KIAA1549L: variants seen among roughly 807,000 people sequenced by gnomAD.
KIAA1549L encodes UPF0606 protein KIAA1549L.
In KIAA1549L, 88 loss-of-function variants were observed where a neutral mutation model predicts 160.7. That is an observed-to-expected ratio of 0.55 (90% confidence interval 0.46 to 0.65). KIAA1549L has a LOEUF of 0.65. KIAA1549L is among the 30% of genes least tolerant of loss of function. The pLI, the probability that KIAA1549L is intolerant of heterozygous loss-of-function variation, is 0.00. For synonymous variants in KIAA1549L, 950 were observed against 976.7 expected, an observed-to-expected ratio of 0.97 and a Z score of 0.51; for missense variants, 2,258 against 2,437.5, an observed-to-expected ratio of 0.93 and a Z score of 1.55.
intron 16 of KIAA1549L, 128 bp from the exon 17 acceptor site, chr11:33,645,558 T>G: frequency 1.4e-6 from 1 of 703,244 alleles, no homozygotes; most frequent in Non-Finnish European, 2.4e-6. Context: ...ATAGGGCACG[T>G]AGGATATAAT....
Position 33,459,767 on chromosome 11 carries a change from C to T in KIAA1549L, c.239-82035C>T, listed in dbSNP as rs144547137. ...ACGAGGTCAGGAGATCGAGACCATC[C>T]CGGCTAAAACGGTGAAACCCCGTCT... On this transcript the variant is annotated intron_variant, in intron 1 of 20. Transcript: ENST00000658780. 5.2e-4 allele frequency among the ~76,000 whole-genome samples: 78 copies of T among 151,026 alleles called. 3 individuals are homozygous for T. The East Asian group carries it at 0.015, about 29-fold the overall frequency.
At position 33,559,926 on chromosome 11, in the gene KIAA1549L, G is replaced by T. The variant is rs377212326; in HGVS notation, c.4018+15G>T. The T allele has an allele frequency of 1.2e-6, 2 of 1,609,970 alleles. No individual in the cohort carries two copies. The highest frequency in any genetic ancestry group is 2.2e-5 in the East Asian group (1 of 44,772). ...CATTGCTGAACGTGAGTATGGCCATGCCTATGGGGACCCCAGTGTTTCCCC... is the reference window on the plus strand; with the variant it reads ...CATTGCTGAACGTGAGTATGGCCATTCCTATGGGGACCCCAGTGTTTCCCC... On this transcript the variant is annotated intron_variant, in intron 7 of 20. Coordinates refer to ENST00000658780, the MANE Select transcript of KIAA1549L (RefSeq NM_012194.3).
At chr11:33,619,305 G>A (rs1007856921) in intron 16 of KIAA1549L, among the ~76,000 whole-genome samples, 3 of 152,186 alleles carry the variant, frequency 2.0e-5, no homozygotes, top group African/African-American at 7.2e-5. Flanking sequence ...GAGAGGTACA[G>A]TAATGCCTCA....
rs1854126862 is a variant in KIAA1549L at position 33,543,821 on chromosome 11, C to T, written c.2258C>T (p.Ala753Val). The stretch of plus-strand genomic sequence containing the variant: ...AATGGTTTAACTTCAGCTGCCGATG[C>T]CATAAAATCTCAGGATTTCAAAGAT... ...PPNGLTSAAD[A>V]IKSQDFKDTA... is the part of the protein sequence containing the mutation. The change falls in exon 2 of 21, where the codon GCC becomes GTC. Residue 753 changes from alanine to valine, a missense_variant. Physicochemically the swap from Ala to Val is moderately conservative, Grantham distance 64. Transcript: ENST00000658780. 6.2e-7 allele frequency: 1 copy of T among 1,613,910 alleles called. No homozygotes were observed. Among genetic ancestry groups the T allele is most frequent in the African/African-American group, 1.3e-5 (1 of 74,934 alleles).
At chr11:33,459,716 C>G (rs1851900224) in intron 1 of KIAA1549L, among the ~76,000 whole-genome samples, 1 of 151,822 alleles carries the variant, frequency 6.6e-6, no homozygotes, top group Admixed American at 6.6e-5. Context: ...AATCCCAGCA[C>G]TTTGGGAGGC....
intron 16 of KIAA1549L, among the ~76,000 whole-genome samples, chr11:33,624,468 A>G (rs191889966): frequency 9.1e-4 from 138 of 152,338 alleles, no homozygotes; most frequent in Admixed American, 2.4e-3. Flanking sequence ...GGGAATTGCC[A>G]TTCCTTTTCT....
At chr11:33,617,597 T>G (rs1850846160) in intron 15 of KIAA1549L, among the ~76,000 whole-genome samples, 1 of 152,200 alleles carries the variant, frequency 6.6e-6, no homozygotes, top group Non-Finnish European at 1.5e-5. Flanking sequence ...TTGTCTCCCA[T>G]CCTAGTCCCC....
At chr11:33,460,367 A>G (rs992936251) in intron 1 of KIAA1549L, among the ~76,000 whole-genome samples, 1 of 152,156 alleles carries the variant, frequency 6.6e-6, no homozygotes, top group Non-Finnish European at 1.5e-5. Flanking sequence ...ATCCATCCCT[A>G]TGCAATAGTG....
At chr11:33,470,118 A>G (rs982514095) in intron 1 of KIAA1549L, among the ~76,000 whole-genome samples, 1 of 152,100 alleles carries the variant, frequency 6.6e-6, no homozygotes, top group Non-Finnish European at 1.5e-5. Context: ...ATTTACTCCT[A>G]TGTTTTCTTC....
At chr11:33,565,210 C>T (rs1419119915) in intron 8 of KIAA1549L, among the ~76,000 whole-genome samples, 1 of 152,076 alleles carries the variant, frequency 6.6e-6, no homozygotes, top group African/African-American at 2.4e-5. Flanking sequence ...ACAGAGAGGG[C>T]TAGGGAGCCT....
Position 33,645,999 on chromosome 11 carries a change from A to G in KIAA1549L, c.5723A>G (p.Tyr1908Cys). ...GCCGGGGTGCAGTGGGTGCCGACCTACCGCCCAGAAATGTATCAGTACAGT... is the reference window on the plus strand; with the variant it reads ...GCCGGGGTGCAGTGGGTGCCGACCTGCCGCCCAGAAATGTATCAGTACAGT... Reference protein sequence around the residue: ...PRAGVQWVPTYRPEMYQYSLP... With the variant: ...PRAGVQWVPTCRPEMYQYSLP... The change falls in exon 17 of 21, where the codon TAC becomes TGC. Residue 1908 changes from tyrosine to cysteine, a missense_variant. By Grantham distance (194) the Tyr-to-Cys change is radical. Around this residue, in one of 6 missense-constraint regions of KIAA1549L, gnomAD observed 1,359 missense variants for 1,546.6 expected, o/e 0.88. Coordinates refer to ENST00000658780, the MANE Select transcript of KIAA1549L (RefSeq NM_012194.3). The G allele has an allele frequency of 1.2e-6, 2 of 1,603,672 alleles. No individual in the cohort carries two copies. Among genetic ancestry groups the G allele is most frequent in the Non-Finnish European group, 1.7e-6 (2 of 1,175,246 alleles).
chr11:33,413,634 A>G (rs1227593600), intron 1 of KIAA1549L, among the ~76,000 whole-genome samples: 1 of 152,114 alleles, frequency 6.6e-6, no homozygotes, highest in East Asian at 1.9e-4. Flanking sequence ...TTTTAATTAT[A>G]GTACAGTCTA....
intron 15 of KIAA1549L, among the ~76,000 whole-genome samples, chr11:33,618,227 G>C (rs545882962): frequency 6.6e-6 from 1 of 152,318 alleles, no homozygotes; most frequent in Admixed American, 6.5e-5. Context: ...GGTCAAGGGA[G>C]AACCCCTGGT....
chr11:33,620,426 T>C (rs751283370), intron 16 of KIAA1549L, among the ~76,000 whole-genome samples: 25 of 152,224 alleles, frequency 1.6e-4, no homozygotes, highest in Non-Finnish European at 3.2e-4. Context: ...ATTTAGACTA[T>C]TGACTGTAAG....
Position 33,382,865 on chromosome 11 carries a change from G to A in KIAA1549L, c.238+5976G>A, listed in dbSNP as rs191514163. Among the ~76,000 whole-genome samples the A allele has an allele frequency of 1.0e-3, 152 of 152,216 alleles. 1 individual carries two copies. Among genetic ancestry groups the A allele is most frequent in the African/African-American group, 3.5e-3 (147 of 41,514 alleles). On this transcript the variant is annotated intron_variant, in intron 1 of 20. Coordinates refer to ENST00000658780, the MANE Select transcript of KIAA1549L (RefSeq NM_012194.3). Reference sequence around the variant, plus strand: ...CCTGGCCCTCCTCGGGGGACTGAAGGGCTCTGAGGGGCTGGGATACTGCAG... The same window carrying A: ...CCTGGCCCTCCTCGGGGGACTGAAGAGCTCTGAGGGGCTGGGATACTGCAG...
chr11:33,515,265 C>T (rs1202250667), intron 1 of KIAA1549L, among the ~76,000 whole-genome samples: 1 of 152,208 alleles, frequency 6.6e-6, no homozygotes, highest in Non-Finnish European at 1.5e-5. Context: ...CCTACAGCTC[C>T]TGGACCTGTT....
chr11:33,405,145 G>A (rs904884320), intron 1 of KIAA1549L, among the ~76,000 whole-genome samples: 2 of 151,956 alleles, frequency 1.3e-5, no homozygotes, highest in African/African-American at 4.8e-5. Flanking sequence ...ACCTGTCTTG[G>A]TAATAGGAAT....
At chr11:33,426,711 T>C (rs1203496333) in intron 1 of KIAA1549L, among the ~76,000 whole-genome samples, 12 of 152,200 alleles carry the variant, frequency 7.9e-5, no homozygotes, top group Admixed American at 7.9e-4. Flanking sequence ...TCCCTTATTT[T>C]AGGATACATC....
intron 1 of KIAA1549L, among the ~76,000 whole-genome samples, chr11:33,417,417 T>G (rs2901262): frequency 6.2e-4 from 95 of 152,314 alleles, no homozygotes; most frequent in Middle Eastern, 3.4e-3. Context: ...TCTGTTCTAT[T>G]TCATTTTAAA....
Sources: allele counts gnomAD v4.1 joint callset (sites outside exome capture counted in the v4.1 genomes callset), GRCh38; gene constraint gnomAD v4.1.1; regional missense constraint gnomAD v4.1.1; transcripts MANE v1.5; gene names NCBI Gene and HGNC (gene_info 2026-07-23, HGNC 2026-07-21).